Variants in GOPC observed in about 807,000 individuals in gnomAD.
GOPC encodes Golgi-associated PDZ and coiled-coil motif-containing protein.
A neutral mutation model predicts 51.2 loss-of-function variants in GOPC; 32 were observed. The observed-to-expected ratio is 0.63, with a 90% CI of 0.47 to 0.84. The LOEUF (loss-of-function observed/expected upper bound fraction) is 0.84. Ranked by LOEUF, GOPC falls within the 40% of genes least tolerant of loss-of-function variation. The probability of loss-of-function intolerance (pLI) is 0.00; values close to 1 mark genes in which losing one functional copy is unlikely to be tolerated. For missense variants in GOPC, 441 were observed against 555.5 expected (o/e 0.79, Z 2.07); for synonymous variants, 190 against 205.1 (o/e 0.93, Z 0.63).
At chr6:117,589,855 A>G (rs1780089561) in intron 1 of GOPC, among the ~76,000 whole-genome samples, 1 of 152,252 alleles carries the variant, frequency 6.6e-6, no homozygotes, top group African/African-American at 2.4e-5. Context: ...TCAATATTTT[A>G]GGAATATCAC....
intron 3 of GOPC, 73 bp downstream of exon 3, chr6:117,577,375 T>C (rs991915386): frequency 1.8e-5 from 23 of 1,313,350 alleles, no homozygotes; most frequent in Non-Finnish European, 2.0e-5. Flanking sequence ...AGTGACAACA[T>C]ATAATATGCA....
At chr6:117,571,107 G>T in intron 5 of GOPC, 152 bp from the exon 6 acceptor site, 1 of 385,858 alleles carries the variant, frequency 2.6e-6, no homozygotes, top group Non-Finnish European at 4.6e-6. Flanking sequence ...CAGATAAAAT[G>T]GAAAAATGAA....
intron 1 of GOPC, among the ~76,000 whole-genome samples, chr6:117,582,731 C>T (rs1038336901): frequency 3.3e-5 from 5 of 149,744 alleles, no homozygotes; most frequent in African/African-American, 1.2e-4. Context: ...TCTGCATTCA[C>T]CATCCTTCAA....
intron 1 of GOPC, among the ~76,000 whole-genome samples, chr6:117,586,495 T>TTTTTG (rs1405202006): frequency 1.5e-5 from 2 of 133,410 alleles, no homozygotes; most frequent in Non-Finnish European, 3.1e-5. Flanking sequence ...TTTTTTTTTT[T>TTTTTG]TTTGAGATGG....
intron 8 of GOPC, among the ~76,000 whole-genome samples, chr6:117,563,959 G>A (rs996526291): frequency 6.7e-6 from 1 of 149,580 alleles, no homozygotes; most frequent in Non-Finnish European, 1.5e-5. Flanking sequence ...TTCCTATCAA[G>A]TTTTCCTTTC....
chr6:117,577,029 C>CACAT (rs2307856), intron 3 of GOPC, among the ~76,000 whole-genome samples: 139,856 of 151,982 alleles, frequency 0.92, 64,482 homozygotes, highest in African/African-American at 0.98. Context: ...AAAGTTGTAA[C>CACAT]GCAGTAGATG....
At chr6:117,582,062 A>G (rs1386826584) in intron 1 of GOPC, among the ~76,000 whole-genome samples, 1 of 152,034 alleles carries the variant, frequency 6.6e-6, no homozygotes, top group Admixed American at 6.6e-5. Flanking sequence ...GCAGTGGTAT[A>G]TTGTTGTGGT....
Position 117,574,937 on chromosome 6 carries a change from G to A in GOPC, c.650+240C>T, listed in dbSNP as rs548231258. 6.6e-5 allele frequency among the ~76,000 whole-genome samples: 10 copies of A among 152,176 alleles called. No individual in the cohort carries two copies. In the East Asian group the frequency reaches 1.7e-3, roughly 26 times the overall value. On this transcript the variant is annotated intron_variant, in intron 4 of 8. Transcript: ENST00000368498. ...CTACTAAAAATACAAAATTTAGCTG[G>A]CCGTGGTGGCAGGCACCTGTAATCC... is the stretch of plus-strand genomic sequence containing the variant.
Position 117,562,294 on chromosome 6 carries a change from G to T in GOPC, c.*960C>A. On this transcript the variant is annotated 3_prime_UTR_variant, in exon 9 of 9. Transcript: ENST00000368498. ...TAGATGACTGGAAATCATTTACTTA[G>T]AAAGAAAACTGCCGTTTGATTTGAA... The T allele has an allele frequency of 4.9e-6, 1 of 205,350 alleles. No individual in the cohort carries two copies. Among genetic ancestry groups the T allele is most frequent in the African/African-American group, 2.3e-5 (1 of 43,868 alleles). The allele number at this position is 205,350 out of a possible 1,614,324, so 12.7% of individuals were successfully genotyped here. A position where few individuals can be genotyped will look rare whatever the true frequency, so the allele number is the denominator to read the frequency against.
rs765214025 is a variant in GOPC, at chr6:117,566,912, T to A, written c.1200A>T (p.Gly400=). ...RYRLYLDELE[G]GGNPGASCKD... ...TGCAACTAGCACCAGGGTTACCACCTCCTTCTAACTCATCAAGGTACAAAC... is the reference window on the plus strand; with the variant it reads ...TGCAACTAGCACCAGGGTTACCACCACCTTCTAACTCATCAAGGTACAAAC... The change falls in exon 8 of 9, where the codon GGA becomes GGT. Residue 400 remains glycine (G), a synonymous_variant. Transcript: ENST00000368498. 7.7e-5 allele frequency: 124 copies of A among 1,607,798 alleles called. No homozygotes were observed. Among genetic ancestry groups the A allele is most frequent in the Non-Finnish European group, 1.1e-4 (124 of 1,177,424 alleles).
chr6:117,577,347 C>G, intron 3 of GOPC, 101 bp downstream of exon 3: 1 of 1,084,992 alleles, frequency 9.2e-7, no homozygotes, highest in South Asian at 1.5e-5. Context: ...ATTATTAATG[C>G]TATTTTCAAA....
rs926364960 is a variant in GOPC at position 117,577,332 on chromosome 6, T to C, written c.474+116A>G. The C allele has an allele frequency of 2.6e-5, 23 of 892,172 alleles. No individual in the cohort carries two copies. In the East Asian group the frequency reaches 3.3e-4, roughly 13 times the overall value. 55.3% of individuals were successfully genotyped at this position (892,172 alleles called of 1,614,324 possible). A position where few individuals can be genotyped will look rare whatever the true frequency, so the allele number is the denominator to read the frequency against. ...TTTCAGGTACTGGAACATTAAAAAA[T>C]TGCCATTATTAATGCTATTTTCAAA... On this transcript the variant is annotated intron_variant, in intron 3 of 8. Transcript: ENST00000368498.
At chr6:117,578,192 T>C (rs1664051774) in intron 2 of GOPC, among the ~76,000 whole-genome samples, 1 of 152,104 alleles carries the variant, frequency 6.6e-6, no homozygotes, top group African/African-American at 2.4e-5. Context: ...TCTTACTTCT[T>C]CCTTATTAAC....
At chr6:117,579,751 T>G (rs919773610) in intron 1 of GOPC, among the ~76,000 whole-genome samples, 1 of 152,096 alleles carries the variant, frequency 6.6e-6, no homozygotes, top group African/African-American at 2.4e-5. Context: ...AGCTAGCCAG[T>G]AGATTAAAGA....
intron 1 of GOPC, among the ~76,000 whole-genome samples, chr6:117,583,485 C>A (rs1293191791): frequency 6.6e-6 from 1 of 152,114 alleles, no homozygotes; most frequent in Non-Finnish European, 1.5e-5. Flanking sequence ...TGAGTTCTAC[C>A]TTATCTGGTA....
intron 1 of GOPC, among the ~76,000 whole-genome samples, chr6:117,598,089 T>C (rs1250990537): frequency 6.6e-6 from 1 of 151,324 alleles, no homozygotes; most frequent in Non-Finnish European, 1.5e-5. Context: ...CCAGGCATGG[T>C]GGCCCATACC....
chr6:117,575,502 C>T (rs766203318), intron 3 of GOPC, 150 bp from the exon 4 acceptor site: 4 of 778,068 alleles, frequency 5.1e-6, no homozygotes, highest in Non-Finnish European at 9.3e-6. Flanking sequence ...TTCTTTTGAA[C>T]TAGTACCATA....
At position 117,562,571 on chromosome 6, in the gene GOPC, A is replaced by AACTTTTTTT. The variant is rs1260208292; in HGVS notation, c.*682_*683insAAAAAAAGT. On this transcript the variant is annotated 3_prime_UTR_variant, in exon 9 of 9. Coordinates refer to ENST00000368498, the MANE Select transcript of GOPC (RefSeq NM_020399.4). ...CATCTGCATTTCTTTTAAAAAACAAAAAAAGTAAAATGTTTAGTAACTTTT... is the reference window on the plus strand; with the variant it reads ...CATCTGCATTTCTTTTAAAAAACAAAACTTTTTTTAAAAGTAAAATGTTTAGTAACTTTT... 4.9e-6 allele frequency: 1 copy of AACTTTTTTT among 202,992 alleles called. No individual in the cohort carries two copies. Among genetic ancestry groups the AACTTTTTTT allele is most frequent in the African/African-American group, 2.3e-5 (1 of 43,684 alleles). The allele number at this position is 202,992 out of a possible 1,614,324, so 12.6% of individuals were successfully genotyped here.
chr6:117,598,380 G>T (rs1464864736), intron 1 of GOPC, among the ~76,000 whole-genome samples: 2 of 146,634 alleles, frequency 1.4e-5, no homozygotes, highest in South Asian at 4.3e-4. Context: ...CTCAAAAAAA[G>T]AAAAAAAAAA....
Sources: allele counts gnomAD v4.1 joint callset (sites outside exome capture counted in the v4.1 genomes callset), GRCh38; gene constraint gnomAD v4.1.1; transcripts MANE v1.5; gene names NCBI Gene and HGNC (gene_info 2026-07-23, HGNC 2026-07-21).